Variants in COL25A1 observed in about 807,000 individuals in gnomAD.
COL25A1 encodes the protein collagen type XXV alpha 1 chain.
COL25A1 carries 103 observed loss-of-function variants against 128.4 expected under a neutral mutation model. The observed-to-expected ratio is 0.80, with a 90% CI of 0.68 to 0.94. The LOEUF is 0.94. Ranked by LOEUF, COL25A1 falls within the 40% of genes least tolerant of loss-of-function variation. The pLI is 0.00. For missense variants in COL25A1, 745 were observed against 840.0 expected, an observed-to-expected ratio of 0.89 and a Z score of 1.40; for synonymous variants, 279 against 277.2, an observed-to-expected ratio of 1.01 and a Z score of -0.06.
At chr4:109,083,455 T>TAAAA (rs1475404208) in intron 3 of COL25A1, among the ~76,000 whole-genome samples, 1 of 117,596 alleles carries the variant, frequency 8.5e-6, no homozygotes, top group African/African-American at 3.2e-5. Context: ...TAAATTTTTT[T>TAAAA]TTTTTTTTTT....
At chr4:109,277,546 T>C (rs2126271399) in intron 3 of COL25A1, among the ~76,000 whole-genome samples, 1 of 152,346 alleles carries the variant, frequency 6.6e-6, no homozygotes, top group East Asian at 1.9e-4. Context: ...AGATTTGTCC[T>C]ATATGAAAAT....
intron 13 of COL25A1, among the ~76,000 whole-genome samples, chr4:108,913,149 T>C (rs1295802482): frequency 6.6e-6 from 1 of 151,734 alleles, no homozygotes; most frequent in Non-Finnish European, 1.5e-5. Context: ...ACAAAAAAAA[T>C]TTCATTTTAA....
At chr4:109,062,377 A>G (rs1762056040) in intron 3 of COL25A1, among the ~76,000 whole-genome samples, 1 of 152,212 alleles carries the variant, frequency 6.6e-6, no homozygotes, top group African/African-American at 2.4e-5. Context: ...TGGTTTTAAA[A>G]TATGGCATTT....
At chr4:109,114,568 G>T (rs1023016588) in intron 3 of COL25A1, among the ~76,000 whole-genome samples, 1 of 152,068 alleles carries the variant, frequency 6.6e-6, no homozygotes. Context: ...GCATGTGAAA[G>T]TCATGAAGAC....
intron 3 of COL25A1, among the ~76,000 whole-genome samples, chr4:109,152,678 T>A (rs1271288134): frequency 6.6e-6 from 1 of 152,164 alleles, no homozygotes; most frequent in African/African-American, 2.4e-5. Flanking sequence ...TGGAATGTAA[T>A]TTGGCCTTAA....
chr4:109,165,448 G>A (rs1420599447), intron 3 of COL25A1, among the ~76,000 whole-genome samples: 2 of 152,198 alleles, frequency 1.3e-5, no homozygotes, highest in Non-Finnish European at 2.9e-5. Flanking sequence ...AGCCATGGTG[G>A]CTCACGTCTG....
At chr4:109,299,871 T>A (rs1725339671) in intron 3 of COL25A1, among the ~76,000 whole-genome samples, 1 of 152,162 alleles carries the variant, frequency 6.6e-6, no homozygotes, top group Non-Finnish European at 1.5e-5. Context: ...AAGGAAGATT[T>A]AATGATTACC....
At chr4:108,962,431 G>A (rs753598272) in intron 8 of COL25A1, among the ~76,000 whole-genome samples, 5 of 151,920 alleles carry the variant, frequency 3.3e-5, no homozygotes, top group Admixed American at 6.6e-5. Context: ...CACCCGCCTC[G>A]GCCTCCCAAA....
intron 10 of COL25A1, among the ~76,000 whole-genome samples, chr4:108,938,115 T>G (rs576561872): frequency 1.1e-4 from 17 of 152,282 alleles, no homozygotes; most frequent in African/African-American, 4.1e-4. Flanking sequence ...ACTCAGAACT[T>G]TCATACATAG....
At chr4:108,967,056 G>A (rs17039593) in intron 8 of COL25A1, among the ~76,000 whole-genome samples, 112,523 of 152,012 alleles carry the variant, frequency 0.74, 42,143 homozygotes, top group East Asian at 1. Flanking sequence ...GGAAAATGTA[G>A]TCTGTAAATA....
intron 37 of COL25A1, 89 bp downstream of exon 37, chr4:108,817,308 T>A: frequency 8.5e-7 from 1 of 1,175,382 alleles, no homozygotes; most frequent in Non-Finnish European, 1.3e-6. Context: ...CTTTTTAATA[T>A]CCGAAGGTCT....
intron 3 of COL25A1, among the ~76,000 whole-genome samples, chr4:109,148,761 C>T (rs1771190601): frequency 6.6e-6 from 1 of 152,192 alleles, no homozygotes; most frequent in East Asian, 1.9e-4. Context: ...CCCACTCTGG[C>T]TTTAACCTCC....
At chr4:109,036,418 G>A (rs1759356980) in intron 5 of COL25A1, among the ~76,000 whole-genome samples, 1 of 152,088 alleles carries the variant, frequency 6.6e-6, no homozygotes, top group Non-Finnish European at 1.5e-5. Context: ...TTCAACTCAT[G>A]CCATATAATG....
At chr4:108,829,314 G>C (rs181984679) in intron 32 of COL25A1, among the ~76,000 whole-genome samples, 107 of 152,150 alleles carry the variant, frequency 7.0e-4, no homozygotes, top group African/African-American at 2.5e-3. Flanking sequence ...ACCAGCCTGG[G>C]GAACAAGGTG....
chr4:108,851,305 T>G (rs2125771803), intron 26 of COL25A1, among the ~76,000 whole-genome samples: 1 of 152,246 alleles, frequency 6.6e-6, no homozygotes, highest in South Asian at 2.1e-4. Context: ...TTAGGATCTA[T>G]GTTCTAAATA....
intron 19 of COL25A1, among the ~76,000 whole-genome samples, chr4:108,876,888 A>C (rs1330139134): frequency 6.6e-6 from 1 of 152,218 alleles, no homozygotes. Context: ...CTTAACATTA[A>C]TTAATAGCTC....
At chr4:109,145,468 G>A (rs1199397602) in intron 3 of COL25A1, among the ~76,000 whole-genome samples, 2 of 152,190 alleles carry the variant, frequency 1.3e-5, no homozygotes, top group African/African-American at 2.4e-5. Flanking sequence ...CTTTCATTGA[G>A]CAAAACTAAT....
intron 5 of COL25A1, among the ~76,000 whole-genome samples, chr4:109,020,809 G>A (rs1228238621): frequency 6.6e-6 from 1 of 151,972 alleles, no homozygotes; most frequent in African/African-American, 2.4e-5. Flanking sequence ...TCATTAATTT[G>A]CATTATTAAA....
chr4:109,198,565 T>C (rs1316330042), intron 3 of COL25A1, among the ~76,000 whole-genome samples: 1 of 152,170 alleles, frequency 6.6e-6, no homozygotes, highest in Non-Finnish European at 1.5e-5. Flanking sequence ...GAAAAGTCTG[T>C]AGAGGACATC....
Sources: gnomAD v4.1 joint callset for allele counts (sites outside exome capture counted in the v4.1 genomes callset) on GRCh38, gnomAD v4.1.1 for gene constraint, MANE v1.5 for transcripts, NCBI Gene and HGNC (gene_info 2026-07-23, HGNC 2026-07-21) for gene names.